SLC12A6: variants seen among roughly 807,000 people sequenced by gnomAD.
The protein encoded by SLC12A6 is solute carrier family 12 member 6, also known as K-Cl cotransporter 3.
SLC12A6 carries 66 observed loss-of-function variants against 135.3 expected under a neutral mutation model. The ratio of observed to expected loss-of-function variants is 0.49; its 90% CI spans 0.40 to 0.60. SLC12A6 has a LOEUF of 0.60. SLC12A6 is among the 20% of genes least tolerant of loss of function. The pLI, the probability that SLC12A6 is intolerant of heterozygous loss-of-function variation, is 0.00. For synonymous variants in SLC12A6, 513 were observed against 508.8 expected, an observed-to-expected ratio of 1.01 and a Z score of -0.11; for missense variants, 1,058 against 1,452.3, an observed-to-expected ratio of 0.73 and a Z score of 4.41.
At position 34,257,783 on chromosome 15, in the gene SLC12A6, G is replaced by A. The variant is rs1892853864; in HGVS notation, c.549C>T (p.Pro183=). The A allele has an allele frequency of 6.2e-7, 1 of 1,603,206 alleles. No homozygotes were observed. The highest frequency in any genetic ancestry group is 8.5e-7 in the Non-Finnish European group (1 of 1,170,450). The stretch of plus-strand genomic sequence containing the variant: ...AGACACCCATGAAGGTACCCATTTG[G>A]GGGGTCTAGAAAGAAAGACATTGAT... ...TEGKKKPTKT[P]QMGTFMGVYL... Residue 183 remains proline, a synonymous_variant, in exon 6 of 26, where the codon CCC becomes CCT. Transcript: ENST00000354181.
In SLC12A6 at chr15:34,243,338, T is replaced by C. The variant is rs182300559; in HGVS notation, c.2042+636A>G. Among the ~76,000 whole-genome samples, 477 of 152,276 alleles carry C rather than the reference T, an allele frequency of 3.1e-3. 1 individual carries two copies. Among genetic ancestry groups the C allele is most frequent in the African/African-American group, 0.011 (462 of 41,554 alleles). On this transcript the variant is annotated intron_variant, in intron 16 of 25. Transcript: ENST00000354181. ...GACAGAAAGGGAACAAGGAGAAAGT[T>C]AGCAAAGAAGAATGTAGCAACGGGT...
chr15:34,249,205 T>A (rs891742274), intron 13 of SLC12A6, among the ~76,000 whole-genome samples: 3 of 152,062 alleles, frequency 2.0e-5, no homozygotes. Flanking sequence ...CTGTACAAAG[T>A]GAGTGATGTG....
intron 4 of SLC12A6, among the ~76,000 whole-genome samples, chr15:34,259,949 G>A (rs1338575862): frequency 6.6e-6 from 1 of 152,164 alleles, no homozygotes; most frequent in Non-Finnish European, 1.5e-5. Context: ...TAGGGGAAGG[G>A]GGAGAGGTTA....
At chr15:34,274,593 T>A (rs1894172604) in intron 3 of SLC12A6, among the ~76,000 whole-genome samples, 2 of 152,228 alleles carry the variant, frequency 1.3e-5, no homozygotes, top group Non-Finnish European at 1.5e-5. Context: ...GGTGGGCGGA[T>A]CACGAGGTCA....
intron 2 of SLC12A6, among the ~76,000 whole-genome samples, chr15:34,310,024 A>C (rs1888042182): frequency 7.1e-6 from 1 of 140,022 alleles, no homozygotes; most frequent in African/African-American, 3.0e-5. Flanking sequence ...TTTTTGAGAC[A>C]GGGTCTCACT....
At chr15:34,254,323 G>A (rs201916113) in intron 9 of SLC12A6, 25 bp downstream of exon 9, 334 of 1,606,082 alleles carry the variant, frequency 2.1e-4, no homozygotes, top group Middle Eastern at 3.3e-4. Context: ...AATAAGGATG[G>A]CTAGGCAGAG....
chr15:34,253,458 G>A (rs965193545), intron 9 of SLC12A6, among the ~76,000 whole-genome samples: 2 of 152,140 alleles, frequency 1.3e-5, no homozygotes, highest in Non-Finnish European at 2.9e-5. Context: ...CCCTAGATAA[G>A]CAGATTAAAA....
intron 2 of SLC12A6, among the ~76,000 whole-genome samples, chr15:34,287,861 G>T (rs972323078): frequency 5.9e-5 from 9 of 152,130 alleles, no homozygotes. Flanking sequence ...TAAGTTCTTT[G>T]TAGATTGTGG....
In SLC12A6 at chr15:34,256,216, T is replaced by C. The variant is rs754893293; in HGVS notation, c.745+13A>G. ...CACTGATAAATCCTGAAATACAACCTTGACCTACTAACCTGGCACCACTCC... is the reference window on the plus strand; with the variant it reads ...CACTGATAAATCCTGAAATACAACCCTGACCTACTAACCTGGCACCACTCC... On this transcript the variant is annotated intron_variant, in intron 7 of 25. Transcript: ENST00000354181. The C allele has an allele frequency of 4.5e-6, 7 of 1,554,836 alleles. No homozygotes were observed. The African/African-American group carries it at 5.4e-5, about 12-fold the overall frequency.
chr15:34,304,867 CCTTT>C (rs1221897513), intron 2 of SLC12A6, among the ~76,000 whole-genome samples: 2 of 152,122 alleles, frequency 1.3e-5, no homozygotes, highest in Non-Finnish European at 2.9e-5. Context: ...TATTTCTATC[CCTTT>C]CATCATGTGA....
In SLC12A6 at chr15:34,233,293, T is replaced by C. The variant is rs1326373395; in HGVS notation, c.*588A>G. 1 of 155,634 alleles carries C rather than the reference T, an allele frequency of 6.4e-6. No homozygotes were observed. 9.6% of individuals were successfully genotyped at this position (155,634 alleles called of 1,614,324 possible). A position where few individuals can be genotyped will look rare whatever the true frequency, so the allele number is the denominator to read the frequency against. On this transcript the variant is annotated 3_prime_UTR_variant, in exon 26 of 26. Coordinates refer to ENST00000354181, the MANE Select transcript of SLC12A6 (RefSeq NM_001365088.1). ...TTAAATCTGGTATTTTGGGGGGATG[T>C]TTTTGAAGAAGTAGAGGCTGCAGCC...
rs4779660 is a variant in SLC12A6 at position 34,232,794 on chromosome 15, G to T, written c.*1087C>A. 119,264 of 152,410 alleles carry T rather than the reference G, an allele frequency of 0.78. 48,060 individuals carry two copies. Among genetic ancestry groups the T allele is most frequent in the East Asian group, 1 (5,147 of 5,166 alleles). The allele number at this position is 152,410 out of a possible 1,614,324, so 9.4% of individuals were successfully genotyped here. ...GTAAGGAGAGTAGCCGCTCAGTAAC[G>T]TTGGCACTAAAGAAAGAGTGTGGCT... On this transcript the variant is annotated 3_prime_UTR_variant, in exon 26 of 26. Transcript: ENST00000354181.
chr15:34,265,767 CT>C (rs1253202875), intron 3 of SLC12A6, among the ~76,000 whole-genome samples: 2 of 152,152 alleles, frequency 1.3e-5, no homozygotes, highest in Non-Finnish European at 2.9e-5. Flanking sequence ...AAGGAAAAGC[CT>C]ACATTTCAGG....
chr15:34,288,157 A>G (rs925047023), intron 2 of SLC12A6, among the ~76,000 whole-genome samples: 2 of 152,046 alleles, frequency 1.3e-5, no homozygotes, highest in Non-Finnish European at 2.9e-5. Flanking sequence ...TTTTTGTATA[A>G]GGTGTAAGGG....
At chr15:34,262,261 CT>C (rs1226217431) in intron 3 of SLC12A6, among the ~76,000 whole-genome samples, 1 of 152,032 alleles carries the variant, frequency 6.6e-6, no homozygotes, top group Non-Finnish European at 1.5e-5. Context: ...TTGTTTTAGC[CT>C]TTTTTTGCAT....
intron 24 of SLC12A6, 79 bp from the exon 25 acceptor site, chr15:34,235,393 G>A: frequency 8.7e-7 from 1 of 1,143,426 alleles, no homozygotes. Flanking sequence ...TTGAGATCCT[G>A]AGCTTTTTCA....
At chr15:34,235,058 A>T in intron 25 of SLC12A6, 123 bp downstream of exon 25, 1 of 936,064 alleles carries the variant, frequency 1.1e-6, no homozygotes, top group Non-Finnish European at 1.8e-6. Context: ...TAGGACTTTT[A>T]AGTCTCCCTT....
intron 2 of SLC12A6, among the ~76,000 whole-genome samples, chr15:34,301,935 A>T (rs1896286391): frequency 6.6e-6 from 1 of 152,250 alleles, no homozygotes; most frequent in Non-Finnish European, 1.5e-5. Flanking sequence ...AAGCAAGAGA[A>T]ATGTTAAGAC....
intron 3 of SLC12A6, among the ~76,000 whole-genome samples, chr15:34,263,360 G>C (rs1177340229): frequency 1.3e-5 from 2 of 152,126 alleles, no homozygotes; most frequent in Non-Finnish European, 2.9e-5. Flanking sequence ...CAAGTAAGCT[G>C]TGACTGATCC....
Sources: allele counts gnomAD v4.1 joint callset (sites outside exome capture counted in the v4.1 genomes callset), GRCh38; gene constraint gnomAD v4.1.1; transcripts MANE v1.5; gene names NCBI Gene and HGNC (gene_info 2026-07-23, HGNC 2026-07-21).